Variants in PIGK observed in about 807,000 individuals in gnomAD.
PIGK encodes the protein phosphatidylinositol glycan anchor biosynthesis class K.
Under a neutral mutation model 50.6 loss-of-function variants are expected in PIGK, and 42 were observed. That is an observed-to-expected ratio of 0.83 (90% CI 0.65 to 1.07). PIGK has a LOEUF of 1.07. Among genes scored for constraint, PIGK ranks in the 50% least tolerant of loss-of-function variants. PIGK has a pLI of 0.00. For synonymous variants in PIGK, 151 were observed against 156.0 expected (o/e 0.97, Z 0.24); for missense variants, 448 against 488.7 (o/e 0.92, Z 0.78).
At chr1:77,126,273 A>T (rs1338812948) in intron 9 of PIGK, among the ~76,000 whole-genome samples, 1 of 152,012 alleles carries the variant, frequency 6.6e-6, no homozygotes, top group Non-Finnish European at 1.5e-5. Flanking sequence ...ATTTTGTTTT[A>T]TACTTACTGT....
intron 10 of PIGK, among the ~76,000 whole-genome samples, chr1:77,096,925 TTTTG>T (rs1157878050): frequency 9.3e-5 from 14 of 150,680 alleles, no homozygotes; most frequent in South Asian, 2.1e-4. Flanking sequence ...TTTTGTTTTG[TTTTG>T]TTTGTTTTTT....
At chr1:77,186,349 C>T (rs1655741268) in intron 3 of PIGK, among the ~76,000 whole-genome samples, 1 of 152,196 alleles carries the variant, frequency 6.6e-6, no homozygotes, top group African/African-American at 2.4e-5. Flanking sequence ...GGAAATCTCC[C>T]CAGTGGGCAG....
chr1:77,094,501 T>C (rs1653365085), intron 10 of PIGK, among the ~76,000 whole-genome samples: 1 of 152,142 alleles, frequency 6.6e-6, no homozygotes, highest in Admixed American at 6.6e-5. Flanking sequence ...TTTCAAAAAA[T>C]GGTGAACATC....
chr1:77,109,787 A>G (rs1234303634), intron 10 of PIGK, among the ~76,000 whole-genome samples: 4 of 152,202 alleles, frequency 2.6e-5, no homozygotes, highest in Non-Finnish European at 5.9e-5. Flanking sequence ...AAGGAAATAA[A>G]GGGTATTCAA....
At chr1:77,163,132 A>G (rs1487914445) in intron 6 of PIGK, among the ~76,000 whole-genome samples, 1 of 152,172 alleles carries the variant, frequency 6.6e-6, no homozygotes, top group Non-Finnish European at 1.5e-5. Flanking sequence ...GTGCCTAGTA[A>G]AAGCTTCCTC....
intron 9 of PIGK, among the ~76,000 whole-genome samples, chr1:77,127,919 A>T (rs1654266988): frequency 6.6e-6 from 1 of 152,228 alleles, no homozygotes; most frequent in South Asian, 2.1e-4. Flanking sequence ...AAATGTTCAT[A>T]TAGTTATATA....
chr1:77,157,575 G>A (rs1227724172), intron 8 of PIGK, among the ~76,000 whole-genome samples: 1 of 152,118 alleles, frequency 6.6e-6, no homozygotes, highest in African/African-American at 2.4e-5. Context: ...TGAAGTAATT[G>A]GAACTTAGGT....
At chr1:77,124,428 G>C (rs1371066280) in intron 9 of PIGK, among the ~76,000 whole-genome samples, 1 of 152,032 alleles carries the variant, frequency 6.6e-6, no homozygotes, top group African/African-American at 2.4e-5. Context: ...GGCCAACACA[G>C]TGAAACCTCG....
At chr1:77,192,972 G>A (rs1009683615) in intron 3 of PIGK, among the ~76,000 whole-genome samples, 65 of 152,122 alleles carry the variant, frequency 4.3e-4, no homozygotes, top group Admixed American at 4.3e-3. Context: ...GGAAGGCTTA[G>A]AGATGGATAC....
chr1:77,197,696 T>C (rs1342415942), intron 3 of PIGK, among the ~76,000 whole-genome samples: 3 of 152,230 alleles, frequency 2.0e-5, no homozygotes, highest in Non-Finnish European at 4.4e-5. Context: ...CTTTGTGGTC[T>C]GGCCTAACTC....
intron 3 of PIGK, among the ~76,000 whole-genome samples, chr1:77,172,327 T>A (rs904248941): frequency 2.4e-4 from 36 of 152,164 alleles, no homozygotes; most frequent in African/African-American, 8.7e-4. Flanking sequence ...ATAAGTAAAA[T>A]GCCAACCTGT....
chr1:77,176,349 T>G (rs184445455), intron 3 of PIGK, among the ~76,000 whole-genome samples: 2 of 152,200 alleles, frequency 1.3e-5, no homozygotes, highest in African/African-American at 4.8e-5. Flanking sequence ...TGGGAAGCAC[T>G]GTAAAAATAA....
chr1:77,162,953 A>G (rs839826), intron 6 of PIGK, among the ~76,000 whole-genome samples: 26,005 of 152,112 alleles, frequency 0.17, 3,771 homozygotes, highest in African/African-American at 0.4. Flanking sequence ...GTAAAGTTCC[A>G]CAAGTTATTT....
At chr1:77,163,971 G>A (rs1210676729) in intron 5 of PIGK, 29 bp from the exon 6 acceptor site, 2 of 1,277,938 alleles carry the variant, frequency 1.6e-6, no homozygotes, top group Non-Finnish European at 2.2e-6. Flanking sequence ...AAGATCAATA[G>A]ATTTTTTAAT....
Position 77,163,389 on chromosome 1 carries a change from A to G in PIGK, c.584+457T>C, listed in dbSNP as rs185138490. Among the ~76,000 whole-genome samples the G allele has an allele frequency of 6.5e-3, 994 of 152,276 alleles. 4 individuals carry two copies. Among genetic ancestry groups the G allele is most frequent in the Non-Finnish European group, 8.9e-3 (607 of 67,988 alleles). ...GCTTCCAACTAAAGAGATGCTTAGC[A>G]AGGGTTACTAACAATCATCCTTAAT... On this transcript the variant is annotated intron_variant, in intron 6 of 10. Coordinates refer to ENST00000370812, the MANE Select transcript of PIGK (RefSeq NM_005482.3).
At chr1:77,187,041 G>A (rs559344449) in intron 3 of PIGK, among the ~76,000 whole-genome samples, 36 of 152,114 alleles carry the variant, frequency 2.4e-4, no homozygotes, top group East Asian at 9.6e-4. Context: ...CTTATCCACC[G>A]TCATGGTATT....
At chr1:77,101,201 C>T (rs1653532760) in intron 10 of PIGK, among the ~76,000 whole-genome samples, 1 of 152,046 alleles carries the variant, frequency 6.6e-6, no homozygotes, top group African/African-American at 2.4e-5. Flanking sequence ...GGCAGAGTTC[C>T]TTGGGTGGAA....
chr1:77,130,866 G>A (rs1334649412), intron 9 of PIGK, among the ~76,000 whole-genome samples: 2 of 152,076 alleles, frequency 1.3e-5, no homozygotes, highest in African/African-American at 2.4e-5. Flanking sequence ...CTCCACATCT[G>A]TAGTCACATA....
At chr1:77,145,127 T>C (rs899792774) in intron 9 of PIGK, among the ~76,000 whole-genome samples, 5 of 152,000 alleles carry the variant, frequency 3.3e-5, no homozygotes, top group African/African-American at 9.6e-5. Flanking sequence ...AGTTTCATAT[T>C]CTTCACAATC....
Sources: allele counts gnomAD v4.1 joint callset (sites outside exome capture counted in the v4.1 genomes callset), GRCh38; gene constraint gnomAD v4.1.1; transcripts MANE v1.5; gene names NCBI Gene and HGNC (gene_info 2026-07-23, HGNC 2026-07-21).